CHRNA4: variants seen among roughly 807,000 people sequenced by gnomAD.
CHRNA4 encodes the protein neuronal acetylcholine receptor subunit alpha-4.
A neutral mutation model predicts 48.9 loss-of-function variants in CHRNA4; 28 were observed. The ratio of observed to expected loss-of-function variants is 0.57; its 90% CI spans 0.42 to 0.79. The LOEUF (loss-of-function observed/expected upper bound fraction) is 0.79. CHRNA4 is among the 30% of genes least tolerant of loss of function. CHRNA4 has a pLI of 0.00. For synonymous variants in CHRNA4, 425 were observed against 402.3 expected, an observed-to-expected ratio of 1.06 and a Z score of -0.68; for missense variants, 859 against 898.4, an observed-to-expected ratio of 0.96 and a Z score of 0.56.
Position 63,355,491 on chromosome 20 carries a change from C to G in CHRNA4, c.383+484G>C, listed in dbSNP as rs1440724347. On this transcript the variant is annotated intron_variant, in intron 4 of 5. Coordinates refer to ENST00000370263, the MANE Select transcript of CHRNA4 (RefSeq NM_000744.7). ...TGGCATGAGAACCATCTGGGGCTTCCTCACCCCTCTCCAGGGCACCCTGCA... is the reference window on the plus strand; with the variant it reads ...TGGCATGAGAACCATCTGGGGCTTCGTCACCCCTCTCCAGGGCACCCTGCA... The G allele has an allele frequency of 2.3e-6, 3 of 1,288,538 alleles. No individual in the cohort carries two copies. In the South Asian group the frequency reaches 3.7e-5, roughly 16 times the overall value. The allele number at this position is 1,288,538 out of a possible 1,614,324, so 79.8% of individuals were successfully genotyped here.
intron 4 of CHRNA4, 115 bp from the exon 5 acceptor site, chr20:63,351,142 C>T: frequency 5.5e-6 from 5 of 913,490 alleles, no homozygotes; most frequent in South Asian, 1.4e-5. Flanking sequence ...TCCACGCCCA[C>T]ATCCACGTCC....
At chr20:63,355,710 G>T in intron 4 of CHRNA4, 1 of 847,562 alleles carries the variant, frequency 1.2e-6, no homozygotes, top group Non-Finnish European at 1.8e-6. Context: ...GGCCCCTCCG[G>T]CTCTGACGCT....
intron 4 of CHRNA4, among the ~76,000 whole-genome samples, chr20:63,353,384 G>A (rs1399467244): frequency 2.6e-5 from 4 of 151,872 alleles, no homozygotes; most frequent in African/African-American, 9.7e-5. Flanking sequence ...CACAGGCCAT[G>A]GTGAGGAGGA....
chr20:63,354,568 C>A, intron 4 of CHRNA4: 2 of 843,984 alleles, frequency 2.4e-6, no homozygotes, highest in South Asian at 5.6e-5. Flanking sequence ...GGCCGTGGTC[C>A]TGGTGAGGCT....
At chr20:63,359,179 G>A (rs1027742680) in intron 2 of CHRNA4, among the ~76,000 whole-genome samples, 21 of 152,210 alleles carry the variant, frequency 1.4e-4, no homozygotes, top group Middle Eastern at 3.4e-3. Flanking sequence ...CTCCTGCCCC[G>A]GCCCCTGCCC....
rs1568820192 is a variant in CHRNA4 at position 63,359,909 on chromosome 20, G to GTGTGTGTGCCGGGCGTGCGC, written c.77-211_77-210insGCGCACGCCCGGCACACACA. 184 of 483,206 alleles carry GTGTGTGTGCCGGGCGTGCGC rather than the reference G, an allele frequency of 3.8e-4. 3 individuals are homozygous for GTGTGTGTGCCGGGCGTGCGC. The highest frequency in any genetic ancestry group is 2.0e-3 in the South Asian group (88 of 44,546). The allele number at this position is 483,206 out of a possible 1,614,324, so 29.9% of individuals were successfully genotyped here. Reference sequence around the variant, plus strand: ...TGCCGGGCGTGTGCTGTGTGTGTGTGTGTGTGTGTGTGTGTGTGTGCCGGG... The same window carrying GTGTGTGTGCCGGGCGTGCGC: ...TGCCGGGCGTGTGCTGTGTGTGTGTGTGTGTGTGCCGGGCGTGCGCTGTGTGTGTGTGTGTGTGTGCCGGG... On this transcript the variant is annotated intron_variant, in intron 1 of 5. Transcript: ENST00000370263.
intron 4 of CHRNA4, chr20:63,354,641 G>C: frequency 1.4e-6 from 1 of 728,230 alleles, no homozygotes; most frequent in Non-Finnish European, 1.7e-6. Context: ...AGGTCACAGT[G>C]GGGGCTGTGG....
At chr20:63,352,933 C>T (rs958102909) in intron 4 of CHRNA4, among the ~76,000 whole-genome samples, 1 of 146,964 alleles carries the variant, frequency 6.8e-6, no homozygotes, top group South Asian at 2.4e-4. Context: ...TTGAGGAGAA[C>T]CCCGTTTGGG....
chr20:63,349,861 G>C lies in CHRNA4; in HGVS notation c.1550C>G (p.Ser517Trp). 6 of 1,595,256 alleles carry C rather than the reference G, an allele frequency of 3.8e-6. No homozygotes were observed. The highest frequency in any genetic ancestry group is 5.1e-6 in the Non-Finnish European group (6 of 1,169,088). The change falls in exon 5 of 6, where the codon TCG becomes TGG. Residue 517 changes from serine (S) to tryptophan (W), a missense_variant. By Grantham distance (177) the Ser-to-Trp change is radical. Transcript: ENST00000370263. The stretch of plus-strand genomic sequence containing the variant: ...CTGGTCTGGGGGTGGGAGCTCAGCC[G>C]AGTGGGTGTTGCGAGAGGCCAGGGC... ...AGALASRNTH[S>W]AELPPPDQPS...
chr20:63,359,324 AG>A, intron 2 of CHRNA4: 1 of 628,008 alleles, frequency 1.6e-6, no homozygotes. Context: ...TCCCACGTCA[AG>A]GGGGAGGAAA....
rs199645833 is a variant in CHRNA4, at chr20:63,346,554, G to C, written c.*184C>G. 1 of 851,520 alleles carries C rather than the reference G, an allele frequency of 1.2e-6. No individual in the cohort carries two copies. Among genetic ancestry groups the C allele is most frequent in the South Asian group, 1.4e-5 (1 of 69,718 alleles). 52.7% of individuals were successfully genotyped at this position (851,520 alleles called of 1,614,324 possible). ...TCCAACTGGAAGCAGCTCCACACTC[G>C]GTCTCCCCAGAGGCCGTGTCCCCGT... On this transcript the variant is annotated 3_prime_UTR_variant, in exon 6 of 6. Transcript: ENST00000370263.
Position 63,351,143 on chromosome 20 carries a change from A to AC in CHRNA4, c.384-117_384-116insG, listed in dbSNP as rs2068595225. ...CACCCACACCCACATCCACGCCCAC[A>AC]TCCACGTCCACGCCCACATCCACGT... On this transcript the variant is annotated intron_variant, in intron 4 of 5. Coordinates refer to ENST00000370263, the MANE Select transcript of CHRNA4 (RefSeq NM_000744.7). The AC allele has an allele frequency of 1.9e-5, 15 of 810,734 alleles. No homozygotes were observed. The East Asian group carries it at 3.6e-4, about 20-fold the overall frequency. 50.2% of individuals were successfully genotyped at this position (810,734 alleles called of 1,614,324 possible).
chr20:63,352,628 A>G lies in CHRNA4; in HGVS notation c.384-1601T>C, dbSNP rs370430377. On this transcript the variant is annotated intron_variant, in intron 4 of 5. Transcript: ENST00000370263. ...TCCCCAGCCCATCTCTCCAAAAACC[A>G]ACGCCCTCCACCTTCTGAGGCACAA... Among the ~76,000 whole-genome samples the G allele has an allele frequency of 9.2e-5, 14 of 152,198 alleles. 1 individual carries two copies. In the East Asian group the frequency reaches 2.5e-3, roughly 27 times the overall value.
chr20:63,360,682 G>C (rs1301563200), intron 1 of CHRNA4, among the ~76,000 whole-genome samples: 1 of 152,202 alleles, frequency 6.6e-6, no homozygotes, highest in Admixed American at 6.5e-5. Flanking sequence ...GGTGGCGGCC[G>C]CCAAGGGCAG....
rs2068445893 is a variant in CHRNA4, at chr20:63,344,079, C to G, written c.*2659G>C. On this transcript the variant is annotated 3_prime_UTR_variant, in exon 6 of 6. Transcript: ENST00000370263. The surrounding 1 kb of genome is among the most constrained non-coding windows in gnomAD (Gnocchi z 4.5). ...AGTCCACTAACAGGTGATGGACAAA[C>G]TGCGTCTTAGTTTATTCAGACAGAA... 1 of 454,002 alleles carries G rather than the reference C, an allele frequency of 2.2e-6. No individual in the cohort carries two copies. The highest frequency in any genetic ancestry group is 2.3e-5 in the Admixed American group (1 of 42,558). 28.1% of individuals were successfully genotyped at this position (454,002 alleles called of 1,614,324 possible).
chr20:63,348,457 A>G (rs896360779), intron 5 of CHRNA4, among the ~76,000 whole-genome samples: 1 of 152,050 alleles, frequency 6.6e-6, no homozygotes, highest in Non-Finnish European at 1.5e-5. Flanking sequence ...CAACTCCCTC[A>G]CTTTTCATGG....
intron 4 of CHRNA4, chr20:63,354,411 G>A (rs1019797086): frequency 1.4e-5 from 2 of 146,990 alleles, no homozygotes; most frequent in Admixed American, 6.8e-5. Flanking sequence ...AGGCACTGTA[G>A]CCCTAGGGTG....
Position 63,346,091 on chromosome 20 carries a change from A to G in CHRNA4, c.*647T>C, listed in dbSNP as rs201676403. On this transcript the variant is annotated 3_prime_UTR_variant, in exon 6 of 6. Coordinates refer to ENST00000370263, the MANE Select transcript of CHRNA4 (RefSeq NM_000744.7). ...CCCCACGCGGAACCAGCTCCACAAA[A>G]CTCTGTTCTCCAAGGCTCCTTAGGC... The G allele has an allele frequency of 1.2e-4, 56 of 453,776 alleles. No individual in the cohort carries two copies. Among genetic ancestry groups the G allele is most frequent in the Non-Finnish European group, 2.1e-4 (48 of 226,700 alleles). The allele number at this position is 453,776 out of a possible 1,614,324, so 28.1% of individuals were successfully genotyped here.
chr20:63,357,664 CG>C (rs3838009), intron 2 of CHRNA4, among the ~76,000 whole-genome samples: 118,133 of 152,182 alleles, frequency 0.78, 47,751 homozygotes, highest in Non-Finnish European at 0.88. Context: ...CCTGGTGGGA[CG>C]GGCAGAGTGG....
Sources: allele counts gnomAD v4.1 joint callset (sites outside exome capture counted in the v4.1 genomes callset), GRCh38; gene constraint gnomAD v4.1.1; non-coding constraint Gnocchi (gnomAD v3.1); transcripts MANE v1.5; gene names NCBI Gene and HGNC (gene_info 2026-07-23, HGNC 2026-07-21).